Variants in TNFRSF10B observed in about 807,000 individuals in gnomAD.
The protein encoded by TNFRSF10B is TNF receptor superfamily member 10b.
A neutral mutation model predicts 41.4 loss-of-function variants in TNFRSF10B; 35 were observed. The observed-to-expected ratio is 0.85, with a 90% confidence interval of 0.65 to 1.12. The LOEUF is 1.12. Among genes scored for constraint, TNFRSF10B ranks in the 50% most tolerant of loss-of-function variants. The pLI is 0.00. For synonymous variants in TNFRSF10B, 230 were observed against 215.5 expected (o/e 1.07, Z -0.59); for missense variants, 584 against 552.7 (o/e 1.06, Z -0.57).
chr8:23,027,820 A>T (rs1199080698), intron 5 of TNFRSF10B, 67 bp from the exon 6 acceptor site: 2 of 1,596,924 alleles, frequency 1.3e-6, no homozygotes, highest in Non-Finnish European at 1.7e-6. Context: ...CCCAGAGGAC[A>T]GTGGGGCGCA....
chr8:23,043,185 GC>G lies in TNFRSF10B; in HGVS notation c.202del (p.Ala68ProfsTer59). The G allele has an allele frequency of 1.2e-5, 19 of 1,614,136 alleles. No homozygotes were observed. The highest frequency in any genetic ancestry group is 1.6e-5 in the Non-Finnish European group (19 of 1,180,030). On this transcript the variant is annotated frameshift_variant, in exon 2 of 9. Coordinates refer to ENST00000276431, the MANE Select transcript of TNFRSF10B (RefSeq NM_003842.5). LOFTEE classifies it high-confidence loss of function. The stretch of plus-strand genomic sequence containing the variant: ...GGGGCTGGACCTCTTTTGTTGTGGG[GC>G]CGCTCTCTGCTGGGGAGCTAGGTCT... ...QQDLAPQQRA[A>X]PQQKRSSPSE... is the part of the protein sequence containing the mutation.
At chr8:23,037,253 G>A (rs1450634372) in intron 2 of TNFRSF10B, among the ~76,000 whole-genome samples, 4 of 152,148 alleles carry the variant, frequency 2.6e-5, no homozygotes, top group African/African-American at 9.7e-5. Context: ...TGGAGGTTAT[G>A]TATGGGCTTA....
chr8:23,020,411 G>C lies in TNFRSF10B; in HGVS notation c.*2260C>G, dbSNP rs1368785594. On this transcript the variant is annotated 3_prime_UTR_variant, in exon 9 of 9. Transcript: ENST00000276431. ...TCAGGAAGCTTACTTTAAAAGAATAGCTTGGCCTGGCTGGTGGCTCACGCC... is the reference window on the plus strand; with the variant it reads ...TCAGGAAGCTTACTTTAAAAGAATACCTTGGCCTGGCTGGTGGCTCACGCC... 2.2e-6 allele frequency: 1 copy of C among 454,080 alleles called. No homozygotes were observed. Among genetic ancestry groups the C allele is most frequent in the South Asian group, 1.6e-5 (1 of 64,478 alleles). 28.1% of individuals were successfully genotyped at this position (454,080 alleles called of 1,614,324 possible).
At chr8:23,068,625 C>T (rs996818039) in intron 1 of TNFRSF10B, 126 bp downstream of exon 1, 1 of 1,423,412 alleles carries the variant, frequency 7.0e-7, no homozygotes, top group Non-Finnish European at 9.3e-7. Context: ...ACTGGTGCGT[C>T]TTGCCCGGAC....
rs777376186 is a variant in TNFRSF10B at position 23,021,681 on chromosome 8, G to T, written c.*990C>A. The T allele has an allele frequency of 2.2e-6, 1 of 453,962 alleles. No homozygotes were observed. The allele number at this position is 453,962 out of a possible 1,614,324, so 28.1% of individuals were successfully genotyped here. On this transcript the variant is annotated 3_prime_UTR_variant, in exon 9 of 9. Coordinates refer to ENST00000276431, the MANE Select transcript of TNFRSF10B (RefSeq NM_003842.5). The stretch of plus-strand genomic sequence containing the variant: ...CGTGGATCCAGTTCTCTTTGGTCCC[G>T]ACTCATATGTAAACAACTACCTATA...
rs773519847 is a variant in TNFRSF10B, at chr8:23,027,775, T to C, written c.749-22A>G. 3 of 1,613,740 alleles carry C rather than the reference T, an allele frequency of 1.9e-6. No homozygotes were observed. In the Admixed American group the frequency reaches 5.0e-5, roughly 27 times the overall value. On this transcript the variant is annotated intron_variant, in intron 5 of 8. Coordinates refer to ENST00000276431, the MANE Select transcript of TNFRSF10B (RefSeq NM_003842.5). ...CCACCTAAAAAAGAAGCAGTCTCCT[T>C]AGCAGGAAGGGAGGGGCCCATGAAG...
intron 1 of TNFRSF10B, among the ~76,000 whole-genome samples, chr8:23,060,265 A>G (rs757211746): frequency 2.6e-5 from 4 of 152,212 alleles, no homozygotes; most frequent in Non-Finnish European, 4.4e-5. Context: ...AGAGTTCTAT[A>G]GCTTTAGCAC....
In TNFRSF10B at chr8:23,022,550, G is replaced by T; in HGVS notation, c.*121C>A. 1.9e-6 allele frequency: 2 copies of T among 1,070,456 alleles called. No individual in the cohort carries two copies. The highest frequency in any genetic ancestry group is 2.8e-6 in the Non-Finnish European group (2 of 712,254). 66.3% of individuals were successfully genotyped at this position (1,070,456 alleles called of 1,614,324 possible). A position where few individuals can be genotyped will look rare whatever the true frequency, so the allele number is the denominator to read the frequency against. On this transcript the variant is annotated 3_prime_UTR_variant, in exon 9 of 9. Coordinates refer to ENST00000276431, the MANE Select transcript of TNFRSF10B (RefSeq NM_003842.5). Reference sequence around the variant, plus strand: ...CCACTGGGTGATGTTGGATGGGAGAGTTTCTTCCAGTACCGGTCATGTGAC... The same window carrying T: ...CCACTGGGTGATGTTGGATGGGAGATTTTCTTCCAGTACCGGTCATGTGAC...
At position 23,021,349 on chromosome 8, in the gene TNFRSF10B, C is replaced by T. The variant is rs781114610; in HGVS notation, c.*1322G>A. The T allele has an allele frequency of 6.8e-5, 31 of 453,998 alleles. No homozygotes were observed. The highest frequency in any genetic ancestry group is 8.8e-6 in the Non-Finnish European group (2 of 226,800). 28.1% of individuals were successfully genotyped at this position (453,998 alleles called of 1,614,324 possible). On this transcript the variant is annotated 3_prime_UTR_variant, in exon 9 of 9. Transcript: ENST00000276431. ...AGGCAATCTGTACCCTAAAAGGCAG[C>T]TCATGGGCTCAGGGTGACAGATAAC...
chr8:23,066,318 TG>T (rs1812977464), intron 1 of TNFRSF10B, among the ~76,000 whole-genome samples: 1 of 151,876 alleles, frequency 6.6e-6, no homozygotes, highest in South Asian at 2.1e-4. Flanking sequence ...AGGAAATAGA[TG>T]GAAGATATTA....
In TNFRSF10B at chr8:23,021,656, C is replaced by T. The variant is rs938616437; in HGVS notation, c.*1015G>A. 6 of 453,994 alleles carry T rather than the reference C, an allele frequency of 1.3e-5. No individual in the cohort carries two copies. The highest frequency in any genetic ancestry group is 1.4e-4 in the East Asian group (2 of 14,412). The allele number at this position is 453,994 out of a possible 1,614,324, so 28.1% of individuals were successfully genotyped here. ...GGGACCAGCCACACACAGGACTTCA[C>T]GTGGATCCAGTTCTCTTTGGTCCCG... On this transcript the variant is annotated 3_prime_UTR_variant, in exon 9 of 9. Transcript: ENST00000276431.
In TNFRSF10B at chr8:23,068,734, C is replaced by A. The variant is rs1308739592; in HGVS notation, c.144+17G>T. ...AGGCACGCTCTTCCCCAGCCAGGGACCGCGGCGGGGACTCACCAACAGCAG... is the reference window on the plus strand; with the variant it reads ...AGGCACGCTCTTCCCCAGCCAGGGAACGCGGCGGGGACTCACCAACAGCAG... On this transcript the variant is annotated intron_variant, in intron 1 of 8. Coordinates refer to ENST00000276431, the MANE Select transcript of TNFRSF10B (RefSeq NM_003842.5). 1 of 1,563,440 alleles carries A rather than the reference C, an allele frequency of 6.4e-7. No individual in the cohort carries two copies. Among genetic ancestry groups the A allele is most frequent in the Non-Finnish European group, 8.7e-7 (1 of 1,155,092 alleles).
intron 2 of TNFRSF10B, among the ~76,000 whole-genome samples, chr8:23,042,410 G>C (rs984258628): frequency 1.3e-5 from 2 of 152,198 alleles, no homozygotes; most frequent in African/African-American, 4.8e-5. Context: ...ATACACATGG[G>C]GGAAAAGGGG....
In TNFRSF10B at chr8:23,045,060, C is replaced by CAAAA. The variant is rs35953846; in HGVS notation, c.145-1821_145-1818dup. On this transcript the variant is annotated intron_variant, in intron 1 of 8. Transcript: ENST00000276431. ...GCAAAACCTCGTCCCTAATAAAATA[C>CAAAA]AAAAAAAAAAAAAAAAAAAAAAAGC... is the stretch of plus-strand genomic sequence containing the variant. 3.9e-4 allele frequency among the ~76,000 whole-genome samples: 15 copies of CAAAA among 38,802 alleles called. 1 individual carries two copies. Among genetic ancestry groups the CAAAA allele is most frequent in the South Asian group, 2.6e-3 (2 of 770 alleles). The allele number at this position is 38,802 out of a possible 152,430, so 25.5% of individuals were successfully genotyped here.
rs192008295 is a variant in TNFRSF10B, at chr8:23,047,232, C to T, written c.145-3989G>A. 3.3e-3 allele frequency among the ~76,000 whole-genome samples: 496 copies of T among 151,932 alleles called. 2 individuals carry two copies. The highest frequency in any genetic ancestry group is 0.011 in the African/African-American group (458 of 41,442). On this transcript the variant is annotated intron_variant, in intron 1 of 8. Transcript: ENST00000276431. ...ATTAGCTGGGCATGGTGGCATGCAC[C>T]GGTAATCCCAGCTACTCAGGAGGCT...
In TNFRSF10B at chr8:23,022,208, C is replaced by G. The variant is rs1434166276; in HGVS notation, c.*463G>C. ...CTGAGAGGTCAAGGCTATAGTGAGC[C>G]AAGATTGCACCATTGCACTCCAGCC... is the stretch of plus-strand genomic sequence containing the variant. On this transcript the variant is annotated 3_prime_UTR_variant, in exon 9 of 9. Coordinates refer to ENST00000276431, the MANE Select transcript of TNFRSF10B (RefSeq NM_003842.5). 2.2e-6 allele frequency: 1 copy of G among 452,372 alleles called. No individual in the cohort carries two copies. Among genetic ancestry groups the G allele is most frequent in the Non-Finnish European group, 4.4e-6 (1 of 225,582 alleles). The allele number at this position is 452,372 out of a possible 1,614,324, so 28.0% of individuals were successfully genotyped here.
chr8:23,067,408 G>T lies in TNFRSF10B; in HGVS notation c.144+1343C>A, dbSNP rs575518341. Among the ~76,000 whole-genome samples the T allele has an allele frequency of 5.9e-5, 9 of 151,732 alleles. No homozygotes were observed. The East Asian group carries it at 1.7e-3, about 29-fold the overall frequency. ...TCTTCCAAGTAGAAAGAACATGAAA[G>T]TCTAAAGCCAAAAATCCAAAAAATT... is the stretch of plus-strand genomic sequence containing the variant. On this transcript the variant is annotated intron_variant, in intron 1 of 8. Coordinates refer to ENST00000276431, the MANE Select transcript of TNFRSF10B (RefSeq NM_003842.5).
intron 1 of TNFRSF10B, among the ~76,000 whole-genome samples, chr8:23,050,840 G>A (rs552264899): frequency 1.2e-4 from 18 of 152,232 alleles, no homozygotes; most frequent in African/African-American, 3.6e-4. Flanking sequence ...TTGGAAGGCC[G>A]AGGCGGGCTG....
At chr8:23,053,063 A>G (rs1374097310) in intron 1 of TNFRSF10B, among the ~76,000 whole-genome samples, 3 of 152,246 alleles carry the variant, frequency 2.0e-5, no homozygotes, top group African/African-American at 2.4e-5. Context: ...GAATTTATGA[A>G]AGGAAATTTA....
Sources: gnomAD v4.1 joint callset for allele counts (sites outside exome capture counted in the v4.1 genomes callset) on GRCh38, gnomAD v4.1.1 for gene constraint, MANE v1.5 for transcripts, NCBI Gene and HGNC (gene_info 2026-07-23, HGNC 2026-07-21) for gene names.